Variants in SCAPER observed in about 807,000 individuals in gnomAD.
SCAPER encodes S-phase cyclin A associated protein in the ER.
A neutral mutation model predicts 182.2 loss-of-function variants in SCAPER; 98 were observed. The observed-to-expected ratio is 0.54, with a 90% CI of 0.46 to 0.64. The LOEUF is 0.64. SCAPER is among the 30% of genes least tolerant of loss of function. The probability of loss-of-function intolerance (pLI) is 0.00; values close to 1 mark genes in which losing one functional copy is unlikely to be tolerated. For missense variants in SCAPER, 1,432 were observed against 1,690.0 expected (o/e 0.85, Z 2.68); for synonymous variants, 605 against 564.6 (o/e 1.07, Z -1.01).
At chr15:76,681,233 AAGG>A (rs926509840) in intron 20 of SCAPER, among the ~76,000 whole-genome samples, 6 of 152,196 alleles carry the variant, frequency 3.9e-5, no homozygotes, top group Non-Finnish European at 8.8e-5. Flanking sequence ...CTATAAACAA[AAGG>A]AGAACTTACC....
At chr15:76,769,984 G>C (rs1458036035) in intron 10 of SCAPER, among the ~76,000 whole-genome samples, 1 of 152,124 alleles carries the variant, frequency 6.6e-6, no homozygotes, top group Admixed American at 6.6e-5. Context: ...ACTGGATTAA[G>C]AAAATGTGGC....
intron 22 of SCAPER, among the ~76,000 whole-genome samples, chr15:76,617,678 G>C (rs2051615849): frequency 1.3e-5 from 2 of 152,194 alleles, no homozygotes; most frequent in African/African-American, 4.8e-5. Context: ...TGAAGAATAA[G>C]AAAGTGAGGG....
chr15:76,566,568 A>T (rs1350941527), intron 23 of SCAPER, among the ~76,000 whole-genome samples: 1 of 152,104 alleles, frequency 6.6e-6, no homozygotes, highest in Non-Finnish European at 1.5e-5. Context: ...TACTATCCAA[A>T]CCTAAATGTA....
intron 26 of SCAPER, among the ~76,000 whole-genome samples, chr15:76,406,345 G>A (rs2044829136): frequency 6.6e-6 from 1 of 152,072 alleles, no homozygotes; most frequent in Non-Finnish European, 1.5e-5. Flanking sequence ...AGGCATGGTG[G>A]CTGGAACCTG....
intron 23 of SCAPER, among the ~76,000 whole-genome samples, chr15:76,549,303 C>T (rs1308648953): frequency 6.6e-6 from 1 of 152,134 alleles, no homozygotes; most frequent in Non-Finnish European, 1.5e-5. Context: ...AAGACACATG[C>T]ACACATATGT....
At chr15:76,633,216 C>T (rs1312215001) in intron 21 of SCAPER, among the ~76,000 whole-genome samples, 6 of 152,170 alleles carry the variant, frequency 3.9e-5, no homozygotes, top group Non-Finnish European at 5.9e-5. Context: ...CTACTCCAGA[C>T]GCTATTTCCC....
chr15:76,888,363 T>C (rs979193527), intron 1 of SCAPER, among the ~76,000 whole-genome samples: 6 of 152,040 alleles, frequency 3.9e-5, no homozygotes, highest in Non-Finnish European at 2.9e-5. Flanking sequence ...AGGTCGGTAA[T>C]AACAAACTTC....
rs2072902678 is a variant in SCAPER at position 76,873,336 on chromosome 15, AGGCAGGCAGGCAGGCAGGCAGGC to A, written c.6+10453_6+10475del. Among the ~76,000 whole-genome samples the A allele has an allele frequency of 8.1e-3, 496 of 61,018 alleles. 3 individuals carry two copies. The highest frequency in any genetic ancestry group is 0.023 in the Middle Eastern group (3 of 132). The allele number at this position is 61,018 out of a possible 152,430, so 40.0% of individuals were successfully genotyped here. ...AAGGAAGGAAGGAAGGAAGGAAGGC[AGGCAGGCAGGCAGGCAGGCAGGC>A]AGGCAGGCAGGCAGGCAGGCAGGCA... On this transcript the variant is annotated intron_variant, in intron 2 of 31. Coordinates refer to ENST00000563290, the MANE Select transcript of SCAPER (RefSeq NM_020843.4).
intron 23 of SCAPER, among the ~76,000 whole-genome samples, chr15:76,522,463 CTG>C (rs773054495): frequency 1.6e-3 from 247 of 152,210 alleles, no homozygotes; most frequent in Non-Finnish European, 2.3e-3. Flanking sequence ...AAAAGTAAAA[CTG>C]TGATACTCAA....
intron 12 of SCAPER, 54 bp downstream of exon 12, chr15:76,765,509 G>T: frequency 1.2e-6 from 2 of 1,607,966 alleles, no homozygotes; most frequent in Non-Finnish European, 1.7e-6. Context: ...TAAAACATTT[G>T]AGAACAAACT....
At chr15:76,540,786 T>G (rs1037552249) in intron 23 of SCAPER, among the ~76,000 whole-genome samples, 2 of 152,058 alleles carry the variant, frequency 1.3e-5, no homozygotes, top group African/African-American at 2.4e-5. Flanking sequence ...ATTAGCCCAA[T>G]AAATTATAGT....
intron 20 of SCAPER, among the ~76,000 whole-genome samples, chr15:76,687,061 T>C (rs1319810995): frequency 1.3e-5 from 2 of 152,028 alleles, no homozygotes; most frequent in Non-Finnish European, 2.9e-5. Context: ...AAAAGAGATA[T>C]AAAAAGTTAT....
At chr15:76,511,545 C>T (rs953574408) in intron 23 of SCAPER, among the ~76,000 whole-genome samples, 5 of 152,170 alleles carry the variant, frequency 3.3e-5, no homozygotes. Flanking sequence ...GATCCCTCTC[C>T]AATAGCCTCC....
intron 29 of SCAPER, among the ~76,000 whole-genome samples, chr15:76,371,393 C>T (rs1050980556): frequency 6.6e-6 from 1 of 151,166 alleles, no homozygotes; most frequent in Non-Finnish European, 1.5e-5. Context: ...GATCTCGGCT[C>T]ACCGCAACCT....
chr15:76,673,295 C>A (rs1218616903), intron 20 of SCAPER, among the ~76,000 whole-genome samples: 1 of 151,984 alleles, frequency 6.6e-6, no homozygotes, highest in Non-Finnish European at 1.5e-5. Flanking sequence ...ACTTACAGAA[C>A]TGAGACTAAA....
chr15:76,656,680 A>C (rs1020863425), intron 21 of SCAPER, among the ~76,000 whole-genome samples: 6 of 152,106 alleles, frequency 3.9e-5, no homozygotes, highest in Non-Finnish European at 8.8e-5. Context: ...CAAAAACCCA[A>C]AATCATACCA....
chr15:76,677,047 A>C (rs569910892), intron 20 of SCAPER, among the ~76,000 whole-genome samples: 1 of 152,244 alleles, frequency 6.6e-6, no homozygotes, highest in South Asian at 2.1e-4. Flanking sequence ...CTCAAAGCTA[A>C]TTACTATGTC....
At chr15:76,902,267 TTCTC>T (rs746302985) in intron 1 of SCAPER, among the ~76,000 whole-genome samples, 10 of 152,296 alleles carry the variant, frequency 6.6e-5, no homozygotes, top group East Asian at 5.8e-4. Context: ...ATACTGTGTG[TTCTC>T]TCTTATAAGT....
rs150263023 is a variant in SCAPER at position 76,769,855 on chromosome 15, C to T, written c.1248+1887G>A. On this transcript the variant is annotated intron_variant, in intron 10 of 31. Transcript: ENST00000563290. Reference sequence around the variant, plus strand: ...TTGACCCAGCGATCCCATTACTGGGCATATACCCAAAGGATTATAAATCAT... The same window carrying T: ...TTGACCCAGCGATCCCATTACTGGGTATATACCCAAAGGATTATAAATCAT... 9.9e-3 allele frequency among the ~76,000 whole-genome samples: 1,514 copies of T among 152,212 alleles called. 24 individuals are homozygous for T. The highest frequency in any genetic ancestry group is 0.034 in the African/African-American group (1,401 of 41,528).
Sources: allele counts gnomAD v4.1 joint callset (sites outside exome capture counted in the v4.1 genomes callset), GRCh38; gene constraint gnomAD v4.1.1; transcripts MANE v1.5; gene names NCBI Gene and HGNC (gene_info 2026-07-23, HGNC 2026-07-21).